Variants in PHACTR1 observed in about 807,000 individuals in gnomAD.
PHACTR1 encodes the protein phosphatase and actin regulator 1.
A neutral mutation model predicts 69.2 loss-of-function variants in PHACTR1; 16 were observed. The observed-to-expected ratio is 0.23, with a 90% CI of 0.16 to 0.35. The LOEUF is 0.35. Ranked by LOEUF, PHACTR1 falls within the 10% of genes least tolerant of loss-of-function variation. The pLI is 1.00. For synonymous variants in PHACTR1, 312 were observed against 284.5 expected (o/e 1.10, Z -0.97); for missense variants, 510 against 734.7 (o/e 0.69, Z 3.54).
At position 12,920,038 on chromosome 6, in the gene PHACTR1, A is replaced by G. The variant is rs73726219; in HGVS notation, c.251-133327A>G. On this transcript the variant is annotated intron_variant, in intron 4 of 14. Coordinates refer to ENST00000332995, the MANE Select transcript of PHACTR1 (RefSeq NM_030948.6). Reference sequence around the variant, plus strand: ...TATCTACCTTGGAGGATAATTATCAAAAAGAGACAGAGAAACTAATATGTA... The same window carrying G: ...TATCTACCTTGGAGGATAATTATCAGAAAGAGACAGAGAAACTAATATGTA... 3.5e-3 allele frequency among the ~76,000 whole-genome samples: 529 copies of G among 152,360 alleles called. 3 individuals are homozygous for G. Among genetic ancestry groups the G allele is most frequent in the African/African-American group, 0.012 (512 of 41,588 alleles).
chr6:13,278,481 CA>C (rs1393665619), intron 12 of PHACTR1, among the ~76,000 whole-genome samples, 152 bp downstream of exon 12: 1 of 152,242 alleles, frequency 6.6e-6, no homozygotes, highest in Non-Finnish European at 1.5e-5. Context: ...AAGACCTCTC[CA>C]CTCAGCTTCA....
At chr6:12,921,434 G>A (rs72820831) in intron 4 of PHACTR1, among the ~76,000 whole-genome samples, 94 of 146,882 alleles carry the variant, frequency 6.4e-4, no homozygotes, top group Non-Finnish European at 1.2e-3. Flanking sequence ...GTGAAACACT[G>A]ACATCCTACC....
intron 4 of PHACTR1, among the ~76,000 whole-genome samples, chr6:12,921,318 G>A (rs981732630): frequency 3.9e-5 from 6 of 152,154 alleles, no homozygotes; most frequent in South Asian, 2.1e-4. Context: ...GAATAAATTC[G>A]ATAACTAATG....
At chr6:12,933,312 A>G (rs566016474) in intron 4 of PHACTR1, among the ~76,000 whole-genome samples, 1 of 152,354 alleles carries the variant, frequency 6.6e-6, no homozygotes, top group South Asian at 2.1e-4. Flanking sequence ...GGTAAGTTAT[A>G]TGCTTTAAAT....
intron 4 of PHACTR1, among the ~76,000 whole-genome samples, chr6:13,034,097 G>A (rs1395149534): frequency 1.3e-5 from 2 of 151,780 alleles, no homozygotes; most frequent in East Asian, 1.9e-4. Context: ...GCTCACTGCA[G>A]GCTCCGCCCC....
intron 5 of PHACTR1, among the ~76,000 whole-genome samples, chr6:13,073,025 T>C (rs1212391268): frequency 6.6e-6 from 1 of 152,118 alleles, no homozygotes; most frequent in Non-Finnish European, 1.5e-5. Context: ...ATTTCGTCTT[T>C]TGTAGTTTAT....
At chr6:12,988,147 T>C (rs1796411759) in intron 4 of PHACTR1, among the ~76,000 whole-genome samples, 1 of 152,168 alleles carries the variant, frequency 6.6e-6, no homozygotes, top group Admixed American at 6.5e-5. Flanking sequence ...ATATTGGAAA[T>C]TGAATGCCTT....
intron 4 of PHACTR1, among the ~76,000 whole-genome samples, chr6:12,866,024 T>C (rs1487096223): frequency 6.6e-6 from 1 of 152,178 alleles, no homozygotes; most frequent in Non-Finnish European, 1.5e-5. Context: ...GTCATCCCCT[T>C]TCTGCCTGAG....
intron 8 of PHACTR1, among the ~76,000 whole-genome samples, chr6:13,221,329 G>C (rs1447242438): frequency 6.6e-6 from 1 of 151,816 alleles, no homozygotes; most frequent in African/African-American, 2.4e-5. Flanking sequence ...GCTGTAGAGG[G>C]TGGAGTTGAT....
rs563362766 is a variant in PHACTR1 at position 12,749,494 on chromosome 6, T to A, written c.104-150T>A. 7.5e-6 allele frequency: 5 copies of A among 666,216 alleles called. No individual in the cohort carries two copies. In the East Asian group the frequency reaches 1.5e-4, roughly 20 times the overall value. 41.3% of individuals were successfully genotyped at this position (666,216 alleles called of 1,614,324 possible). A position where few individuals can be genotyped will look rare whatever the true frequency, so the allele number is the denominator to read the frequency against. The stretch of plus-strand genomic sequence containing the variant: ...TTCTTTCTCTCTCCCTTTTTTTTCC[T>A]TTTTCCCTCTCTTTCCCACTCCCTC... On this transcript the variant is annotated intron_variant, in intron 3 of 14. Coordinates refer to ENST00000332995, the MANE Select transcript of PHACTR1 (RefSeq NM_030948.6).
rs145607515 is a variant in PHACTR1, at chr6:13,022,693, C to G, written c.251-30672C>G. Reference sequence around the variant, plus strand: ...AAAAAAAAAAAAAACTTTGCCAACTCCTGGTGACATCAAAGTTGCTGTAAA... The same window carrying G: ...AAAAAAAAAAAAAACTTTGCCAACTGCTGGTGACATCAAAGTTGCTGTAAA... On this transcript the variant is annotated intron_variant, in intron 4 of 14. Transcript: ENST00000332995. Among the ~76,000 whole-genome samples the G allele has an allele frequency of 6.0e-3, 907 of 151,880 alleles. 5 individuals carry two copies. Among genetic ancestry groups the G allele is most frequent in the African/African-American group, 0.021 (880 of 41,342 alleles).
At chr6:13,023,720 C>T (rs530724217) in intron 4 of PHACTR1, among the ~76,000 whole-genome samples, 16 of 152,170 alleles carry the variant, frequency 1.1e-4, no homozygotes, top group Middle Eastern at 3.4e-3. Context: ...AGAAAGAGTG[C>T]GGAACAAGTA....
At chr6:13,076,252 G>A (rs1810453110) in intron 5 of PHACTR1, among the ~76,000 whole-genome samples, 1 of 152,138 alleles carries the variant, frequency 6.6e-6, no homozygotes, top group Non-Finnish European at 1.5e-5. Context: ...AGGGCTGCAA[G>A]ATAAGTGATT....
intron 4 of PHACTR1, among the ~76,000 whole-genome samples, chr6:12,868,356 A>G (rs948339903): frequency 2.0e-5 from 3 of 151,884 alleles, no homozygotes; most frequent in African/African-American, 4.8e-5. Flanking sequence ...AATGATAACC[A>G]TCTTTTTTTT....
intron 4 of PHACTR1, among the ~76,000 whole-genome samples, chr6:13,017,529 G>T (rs1211507137): frequency 1.3e-5 from 2 of 152,038 alleles, no homozygotes; most frequent in African/African-American, 2.4e-5. Flanking sequence ...AGTTATGGAC[G>T]TCATAAAGCC....
intron 4 of PHACTR1, among the ~76,000 whole-genome samples, chr6:12,944,564 G>A (rs1790398148): frequency 6.6e-6 from 1 of 152,192 alleles, no homozygotes; most frequent in Admixed American, 6.5e-5. Context: ...GAGTTGGGAA[G>A]TGGGTATGTG....
At chr6:13,267,309 A>C (rs1273866413) in intron 10 of PHACTR1, 2 of 152,374 alleles carry the variant, frequency 1.3e-5, no homozygotes, top group East Asian at 3.9e-4. Context: ...ACCCATTTCT[A>C]AAACAGGTCT....
chr6:13,191,268 A>T (rs1171809582), intron 7 of PHACTR1, among the ~76,000 whole-genome samples: 3 of 152,198 alleles, frequency 2.0e-5, no homozygotes, highest in Non-Finnish European at 4.4e-5. Context: ...TTTGCATAGA[A>T]GTCTCTCTTG....
intron 4 of PHACTR1, among the ~76,000 whole-genome samples, chr6:12,894,273 C>T (rs1324494139): frequency 1.3e-5 from 2 of 152,198 alleles, no homozygotes; most frequent in Non-Finnish European, 2.9e-5. Flanking sequence ...CACTTTAAAC[C>T]TCAGTAGCCA....
Sources: gnomAD v4.1 joint callset for allele counts (sites outside exome capture counted in the v4.1 genomes callset) on GRCh38, gnomAD v4.1.1 for gene constraint, MANE v1.5 for transcripts, NCBI Gene and HGNC (gene_info 2026-07-23, HGNC 2026-07-21) for gene names.